AFG1L: variants seen among roughly 807,000 people sequenced by gnomAD.
AFG1L encodes AFG1 like ATPase.
Under a neutral mutation model 62.2 loss-of-function variants are expected in AFG1L, and 53 were observed. That is an observed-to-expected ratio of 0.85 (90% CI 0.68 to 1.07). AFG1L has a LOEUF of 1.07. Ranked by LOEUF, AFG1L falls within the 50% of genes least tolerant of loss-of-function variation. The pLI, the probability that AFG1L is intolerant of heterozygous loss-of-function variation, is 0.00. For synonymous variants in AFG1L, 228 were observed against 210.3 expected, an observed-to-expected ratio of 1.08 and a Z score of -0.73; for missense variants, 555 against 590.5, an observed-to-expected ratio of 0.94 and a Z score of 0.62.
At chr6:108,515,378 A>C (rs1456599287) in intron 11 of AFG1L, among the ~76,000 whole-genome samples, 1 of 152,250 alleles carries the variant, frequency 6.6e-6, no homozygotes, top group Non-Finnish European at 1.5e-5. Flanking sequence ...TGGAAACTGA[A>C]CAGCCTGCTC....
intron 7 of AFG1L, among the ~76,000 whole-genome samples, chr6:108,442,586 AG>A (rs1437716853): frequency 6.6e-6 from 1 of 152,124 alleles, no homozygotes; most frequent in African/African-American, 2.4e-5. Flanking sequence ...CTAGTTTTTC[AG>A]GGCTGTTCTT....
At chr6:108,412,651 T>C (rs1582546159) in intron 7 of AFG1L, among the ~76,000 whole-genome samples, 1 of 152,220 alleles carries the variant, frequency 6.6e-6, no homozygotes, top group African/African-American at 2.4e-5. Flanking sequence ...CAGAATTTTA[T>C]ATCCAGCCAA....
intron 10 of AFG1L, among the ~76,000 whole-genome samples, chr6:108,506,711 A>G (rs943614039): frequency 2.0e-5 from 3 of 152,210 alleles, no homozygotes; most frequent in African/African-American, 4.8e-5. Flanking sequence ...ATTATTTATA[A>G]TACCTAGTAC....
At chr6:108,413,547 C>T (rs930301520) in intron 7 of AFG1L, among the ~76,000 whole-genome samples, 1 of 152,080 alleles carries the variant, frequency 6.6e-6, no homozygotes, top group Admixed American at 6.6e-5. Flanking sequence ...TGTAAAAGAA[C>T]AGAAATTACA....
At chr6:108,482,670 T>C (rs746405110) in intron 10 of AFG1L, among the ~76,000 whole-genome samples, 40 of 152,172 alleles carry the variant, frequency 2.6e-4, no homozygotes, top group Non-Finnish European at 4.7e-4. Flanking sequence ...TTGATGATCT[T>C]GACAGTTTTG....
At chr6:108,346,280 C>A (rs1329814245) in intron 2 of AFG1L, among the ~76,000 whole-genome samples, 2 of 152,162 alleles carry the variant, frequency 1.3e-5, no homozygotes, top group African/African-American at 4.8e-5. Flanking sequence ...GAACTACTTT[C>A]ATCTTGTAAA....
chr6:108,428,501 A>G lies in AFG1L; in HGVS notation c.808-18713A>G, dbSNP rs895574175. ...GATTGCTGGATAGAACGGTAGATCT[A>G]CTTTTAGTTCTCTGAAATCTGTATG... On this transcript the variant is annotated intron_variant, in intron 7 of 12. Coordinates refer to ENST00000368977, the MANE Select transcript of AFG1L (RefSeq NM_145315.5). Among the ~76,000 whole-genome samples, 6 of 152,268 alleles carry G rather than the reference A, an allele frequency of 3.9e-5. No homozygotes were observed. The East Asian group carries it at 1.2e-3, about 29-fold the overall frequency.
At chr6:108,349,208 G>C (rs1012676518) in intron 3 of AFG1L, among the ~76,000 whole-genome samples, 50 of 152,150 alleles carry the variant, frequency 3.3e-4, no homozygotes, top group African/African-American at 1.2e-3. Context: ...AATCGGCCAG[G>C]CATGGTGGCT....
At chr6:108,330,600 A>C (rs1778239281) in intron 2 of AFG1L, among the ~76,000 whole-genome samples, 1 of 152,190 alleles carries the variant, frequency 6.6e-6, no homozygotes, top group Admixed American at 6.6e-5. Flanking sequence ...TGTAAGGGAC[A>C]ACAAGTTTCA....
rs116068834 is a variant in AFG1L at position 108,324,490 on chromosome 6, C to T, written c.363+442C>T. On this transcript the variant is annotated intron_variant, in intron 2 of 12. Transcript: ENST00000368977. ...TTAAGTGACCAGTTAGTTACTGGGGCCTTTGTATGGTAGATGCTGACGTGC... is the reference window on the plus strand; with the variant it reads ...TTAAGTGACCAGTTAGTTACTGGGGTCTTTGTATGGTAGATGCTGACGTGC... Among the ~76,000 whole-genome samples, 825 of 152,126 alleles carry T rather than the reference C, an allele frequency of 5.4e-3. 9 individuals are homozygous for T. The highest frequency in any genetic ancestry group is 0.019 in the African/African-American group (790 of 41,496).
At chr6:108,393,078 T>G (rs931109247) in intron 6 of AFG1L, among the ~76,000 whole-genome samples, 2 of 152,144 alleles carry the variant, frequency 1.3e-5, no homozygotes, top group Admixed American at 6.5e-5. Context: ...TGTCCCATAA[T>G]TCTAGCATTC....
intron 7 of AFG1L, among the ~76,000 whole-genome samples, chr6:108,404,551 T>C (rs1196582426): frequency 6.6e-6 from 1 of 152,078 alleles, no homozygotes; most frequent in Non-Finnish European, 1.5e-5. Flanking sequence ...TTGTTAATTA[T>C]GCTGTTCAAA....
rs114157773 is a variant in AFG1L, at chr6:108,400,117, G to A, written c.749-1879G>A. Among the ~76,000 whole-genome samples, 1,346 of 152,076 alleles carry A rather than the reference G, an allele frequency of 8.9e-3. 15 individuals carry two copies. The highest frequency in any genetic ancestry group is 0.03 in the African/African-American group (1,239 of 41,482). On this transcript the variant is annotated intron_variant, in intron 6 of 12. Transcript: ENST00000368977. ...TTTAGGTTTTTCCAAATATAAGCTC[G>A]TGTCACCTGCAAACAAGGATAATTT...
At chr6:108,489,119 T>C (rs1294888462) in intron 10 of AFG1L, among the ~76,000 whole-genome samples, 2 of 152,218 alleles carry the variant, frequency 1.3e-5, no homozygotes, top group East Asian at 3.8e-4. Flanking sequence ...ATAGTTTTTC[T>C]CCTGAGGGCA....
intron 2 of AFG1L, among the ~76,000 whole-genome samples, chr6:108,334,927 C>A: frequency 6.6e-6 from 1 of 152,176 alleles, no homozygotes; most frequent in Non-Finnish European, 1.5e-5. Context: ...TCCATCCTTT[C>A]GTTATGGCTC....
chr6:108,391,383 G>A lies in AFG1L; in HGVS notation c.749-10613G>A, dbSNP rs531946006. ...GATTTGCATTTCCCTGATCATTAGT[G>A]ATGTTGAGCATTTTTTCATGTTTGT... is the stretch of plus-strand genomic sequence containing the variant. On this transcript the variant is annotated intron_variant, in intron 6 of 12. Transcript: ENST00000368977. 9.9e-5 allele frequency among the ~76,000 whole-genome samples: 15 copies of A among 152,262 alleles called. No individual in the cohort carries two copies. In the South Asian group the frequency reaches 1.9e-3, roughly 19 times the overall value.
At chr6:108,410,042 A>C (rs1195727156) in intron 7 of AFG1L, among the ~76,000 whole-genome samples, 1 of 152,174 alleles carries the variant, frequency 6.6e-6, no homozygotes, top group African/African-American at 2.4e-5. Flanking sequence ...GCAGTGGCTC[A>C]CACCTGTAAT....
chr6:108,356,074 A>C (rs1444905491), intron 4 of AFG1L, among the ~76,000 whole-genome samples: 1 of 152,160 alleles, frequency 6.6e-6, no homozygotes, highest in African/African-American at 2.4e-5. Context: ...TAGGCCCTTT[A>C]CTCTGTGTTA....
intron 11 of AFG1L, among the ~76,000 whole-genome samples, chr6:108,513,971 G>A (rs1774770543): frequency 6.6e-6 from 1 of 152,202 alleles, no homozygotes; most frequent in South Asian, 2.1e-4. Context: ...CTGCTGTTCT[G>A]CAGCCTCCAC....
Sources: allele counts gnomAD v4.1 joint callset (sites outside exome capture counted in the v4.1 genomes callset), GRCh38; gene constraint gnomAD v4.1.1; transcripts MANE v1.5; gene names NCBI Gene and HGNC (gene_info 2026-07-23, HGNC 2026-07-21).